Variants in PALLD observed in about 807,000 individuals in gnomAD.
The protein encoded by PALLD is palladin.
A neutral mutation model predicts 123.5 loss-of-function variants in PALLD; 61 were observed. The observed-to-expected ratio is 0.49, with a 90% CI of 0.40 to 0.61. The LOEUF (loss-of-function observed/expected upper bound fraction) is 0.61, where lower values mean the gene tolerates loss of function less well. Among genes scored for constraint, PALLD ranks in the 20% least tolerant of loss-of-function variants. The pLI is 0.00. For missense variants in PALLD, 1,273 were observed against 1,377.0 expected, an observed-to-expected ratio of 0.92 and a Z score of 1.20; for synonymous variants, 465 against 496.4, an observed-to-expected ratio of 0.94 and a Z score of 0.84.
intron 4 of PALLD, 69 bp downstream of exon 4, chr4:168,681,467 C>T: frequency 9.9e-7 from 1 of 1,007,344 alleles, no homozygotes; most frequent in South Asian, 1.3e-5. Context: ...GGGTATGAAA[C>T]CATGTTTGCT....
chr4:168,785,382 A>G (rs1736569528), intron 10 of PALLD, among the ~76,000 whole-genome samples: 1 of 152,002 alleles, frequency 6.6e-6, no homozygotes, highest in African/African-American at 2.4e-5. Flanking sequence ...GCTGTGCATC[A>G]CCCAACCCTT....
At chr4:168,755,236 A>AGG in intron 10 of PALLD, among the ~76,000 whole-genome samples, 1 of 150,722 alleles carries the variant, frequency 6.6e-6, no homozygotes, top group South Asian at 2.1e-4. Context: ...CCGTCTCAAA[A>AGG]AAAAAAAAAA....
chr4:168,543,607 G>T (rs1186088045), intron 2 of PALLD, among the ~76,000 whole-genome samples: 1 of 151,940 alleles, frequency 6.6e-6, no homozygotes, highest in Admixed American at 6.6e-5. Context: ...GTTTGAAAAT[G>T]AGCTACATAT....
chr4:168,691,240 CT>C, intron 7 of PALLD, 28 bp from the exon 8 acceptor site: 1 of 1,566,042 alleles, frequency 6.4e-7, no homozygotes, highest in Non-Finnish European at 8.8e-7. Context: ...ATACTTTGTT[CT>C]AATTTATTTT....
chr4:168,697,243 A>G (rs1247508787), intron 8 of PALLD, among the ~76,000 whole-genome samples: 1 of 152,252 alleles, frequency 6.6e-6, no homozygotes, highest in African/African-American at 2.4e-5. Context: ...AGATATTTTC[A>G]GACTTGTAAG....
Position 168,772,624 on chromosome 4 carries a change from A to T in PALLD, c.1964+60701A>T, listed in dbSNP as rs1473717993. Reference sequence around the variant, plus strand: ...TGAATGATAGAGGTACACAGTTCCAATTGTATTCTGTATTACGTGTATGTG... The same window carrying T: ...TGAATGATAGAGGTACACAGTTCCATTTGTATTCTGTATTACGTGTATGTG... On this transcript the variant is annotated intron_variant, in intron 10 of 21. Transcript: ENST00000505667. 2.0e-5 allele frequency among the ~76,000 whole-genome samples: 3 copies of T among 152,182 alleles called. No homozygotes were observed. In the East Asian group the frequency reaches 5.8e-4, roughly 29 times the overall value.
chr4:168,817,248 A>G (rs370880518), intron 10 of PALLD, among the ~76,000 whole-genome samples: 10 of 152,302 alleles, frequency 6.6e-5, no homozygotes, highest in African/African-American at 2.4e-4. Flanking sequence ...CTTTTGTTAA[A>G]GACAGAAAAA....
chr4:168,742,632 A>G (rs1788468140), intron 10 of PALLD, among the ~76,000 whole-genome samples: 1 of 152,192 alleles, frequency 6.6e-6, no homozygotes, highest in Non-Finnish European at 1.5e-5. Context: ...GTGTTTCCCA[A>G]CTATGGTGAA....
chr4:168,575,659 T>C (rs1769492889), intron 2 of PALLD, among the ~76,000 whole-genome samples: 1 of 152,094 alleles, frequency 6.6e-6, no homozygotes. Context: ...AAACCACAAC[T>C]TTCAGAACTC....
At chr4:168,603,828 T>C (rs1471802431) in intron 2 of PALLD, among the ~76,000 whole-genome samples, 1 of 152,206 alleles carries the variant, frequency 6.6e-6, no homozygotes, top group Non-Finnish European at 1.5e-5. Context: ...TTGGAAAATT[T>C]TGGATGAAAC....
chr4:168,673,992 G>A (rs2150046027), intron 3 of PALLD, among the ~76,000 whole-genome samples: 1 of 152,094 alleles, frequency 6.6e-6, no homozygotes, highest in Admixed American at 6.5e-5. Flanking sequence ...TCGGCTCACT[G>A]CAACCTCCAC....
chr4:168,582,091 C>T (rs1175548876), intron 2 of PALLD, among the ~76,000 whole-genome samples: 1 of 151,938 alleles, frequency 6.6e-6, no homozygotes, highest in Admixed American at 6.6e-5. Flanking sequence ...TTTCTGGGTT[C>T]TCTACTATGT....
chr4:168,791,996 C>G (rs553000917), intron 10 of PALLD, among the ~76,000 whole-genome samples: 130 of 151,988 alleles, frequency 8.6e-4, no homozygotes, highest in Non-Finnish European at 1.2e-3. Flanking sequence ...TAGTACTGAA[C>G]AGTCATTCCT....
intron 2 of PALLD, among the ~76,000 whole-genome samples, chr4:168,666,461 C>G (rs949769297): frequency 1.3e-5 from 2 of 152,064 alleles, no homozygotes; most frequent in Non-Finnish European, 2.9e-5. Context: ...ATGCCTTTAG[C>G]TTGGTCTTAA....
intron 15 of PALLD, among the ~76,000 whole-genome samples, chr4:168,908,194 A>G (rs6817551): frequency 0.68 from 103,310 of 152,070 alleles, 36,819 homozygotes; most frequent in East Asian, 0.96. Context: ...TGGGGGCTTC[A>G]GTAACTGGTA....
chr4:168,717,466 T>G (rs943041009), intron 10 of PALLD, among the ~76,000 whole-genome samples: 4 of 152,148 alleles, frequency 2.6e-5, no homozygotes, highest in African/African-American at 9.7e-5. Flanking sequence ...TTCTCCTGCC[T>G]CAGCCTCCCG....
chr4:168,831,423 G>C (rs954233226), intron 10 of PALLD, among the ~76,000 whole-genome samples: 1 of 152,086 alleles, frequency 6.6e-6, no homozygotes, highest in Non-Finnish European at 1.5e-5. Flanking sequence ...CTCACCCTAA[G>C]GGCTCCTGAA....
intron 10 of PALLD, among the ~76,000 whole-genome samples, chr4:168,887,491 G>A (rs1426279800): frequency 6.6e-6 from 1 of 152,198 alleles, no homozygotes; most frequent in African/African-American, 2.4e-5. Context: ...AGCTCTTAGT[G>A]TAGTCTACCT....
chr4:168,623,393 T>A (rs1269247744), intron 2 of PALLD, among the ~76,000 whole-genome samples: 2 of 152,352 alleles, frequency 1.3e-5, no homozygotes, highest in Admixed American at 1.3e-4. Flanking sequence ...TACAAACATG[T>A]GGTTCATGAA....
Sources: allele counts gnomAD v4.1 joint callset (sites outside exome capture counted in the v4.1 genomes callset), GRCh38; gene constraint gnomAD v4.1.1; transcripts MANE v1.5; gene names NCBI Gene and HGNC (gene_info 2026-07-23, HGNC 2026-07-21).